The following DNASE1 variants were observed in gnomAD, a reference collection of about 807,000 sequenced individuals.
DNASE1 encodes deoxyribonuclease-1.
DNASE1 carries 40 observed loss-of-function variants against 33.9 expected under a neutral mutation model. The observed-to-expected ratio is 1.18, with a 90% CI of 0.92 to 1.54. DNASE1 has a LOEUF of 1.54. Ranked by LOEUF, DNASE1 falls within the 40% of genes most tolerant of loss-of-function variation. DNASE1 has a pLI of 0.00. For synonymous variants in DNASE1, 216 were observed against 160.0 expected (o/e 1.35, Z -2.64); for missense variants, 518 against 372.6 (o/e 1.39, Z -3.21).
At chr16:3,627,955 A>C (rs1398294624) in intron 1 of DNASE1, among the ~76,000 whole-genome samples, 1 of 151,802 alleles carries the variant, frequency 6.6e-6, no homozygotes, top group Non-Finnish European at 1.5e-5. Context: ...AAAAAAAAAA[A>C]AAAAAAGTCA....
chr16:3,658,028 A>C lies in DNASE1; in HGVS notation c.*75A>C, dbSNP rs572865598. ...GCCACAGGACCCAGAAAAAAAGCCC[A>C]ACACACACTCGGGTTAAGAAATACC... On this transcript the variant is annotated 3_prime_UTR_variant, in exon 9 of 9. Coordinates refer to ENST00000246949, the MANE Select transcript of DNASE1 (RefSeq NM_005223.4). 10 of 1,610,472 alleles carry C rather than the reference A, an allele frequency of 6.2e-6. No individual in the cohort carries two copies. The highest frequency in any genetic ancestry group is 2.2e-5 in the East Asian group (1 of 44,802).
exon 10 of DNASE1, chr16:3,664,464 A>T: frequency 6.2e-7 from 1 of 1,607,446 alleles, no homozygotes; most frequent in Admixed American, 1.7e-5. Context: ...GTCCTCCTAG[A>T]AGGGACGGGG....
chr16:3,632,784 C>G (rs1307695815), intron 1 of DNASE1, among the ~76,000 whole-genome samples: 1 of 152,042 alleles, frequency 6.6e-6, no homozygotes. Context: ...CGGGGTTTTA[C>G]CATGTTGTCC....
At chr16:3,639,300 G>A (rs757262563), upstream of DNASE1, among the ~76,000 whole-genome samples, 16 of 152,178 alleles carry the variant, frequency 1.1e-4, no homozygotes, top group Non-Finnish European at 1.9e-4. Flanking sequence ...GACATGAGCT[G>A]GTATGTGGGA....
At chr16:3,662,859 G>A, downstream of DNASE1, 4 of 1,611,988 alleles carry the variant, frequency 2.5e-6, no homozygotes, top group Non-Finnish European at 3.4e-6. Flanking sequence ...CCAAGTGGTG[G>A]TCCATCCCCG....
intron 1 of DNASE1, among the ~76,000 whole-genome samples, chr16:3,612,385 G>C (rs1409978635): frequency 6.6e-6 from 1 of 151,780 alleles, no homozygotes; most frequent in Non-Finnish European, 1.5e-5. Flanking sequence ...CAAGTAGCTG[G>C]GATTACAGGC....
chr16:3,664,433 G>C, exon 10 of DNASE1: 4 of 1,612,074 alleles, frequency 2.5e-6, no homozygotes, highest in Non-Finnish European at 8.5e-7. Context: ...CCGAGGACTC[G>C]TAGCGCAGCA....
At chr16:3,616,627 ATAAAT>A (rs1487741797) in intron 1 of DNASE1, among the ~76,000 whole-genome samples, 6 of 152,200 alleles carry the variant, frequency 3.9e-5, no homozygotes, top group Admixed American at 1.3e-4. Context: ...TCTCAAATAA[ATAAAT>A]TAAATAAATA....
intron 1 of DNASE1, among the ~76,000 whole-genome samples, chr16:3,633,502 G>C (rs1254239633): frequency 6.6e-6 from 1 of 151,970 alleles, no homozygotes; most frequent in Non-Finnish European, 1.5e-5. Flanking sequence ...CAGCTACTCG[G>C]GAGGCTGAGG....
intron 2 of DNASE1, 23 bp from the exon 3 acceptor site, chr16:3,655,826 C>T (rs774373435): frequency 5.0e-6 from 8 of 1,612,412 alleles, no homozygotes; most frequent in East Asian, 4.5e-5. Context: ...CCCTGCTCAG[C>T]ACCACTGTGG....
chr16:3,657,668 C>G, intron 7 of DNASE1, 52 bp from the exon 8 acceptor site: 1 of 1,608,268 alleles, frequency 6.2e-7, no homozygotes, highest in Non-Finnish European at 8.5e-7. Context: ...GGGTGCTGAG[C>G]CAGGCCCATG....
intron 1 of DNASE1, among the ~76,000 whole-genome samples, chr16:3,625,871 A>G (rs1272608566): frequency 6.6e-6 from 1 of 152,228 alleles, no homozygotes; most frequent in Admixed American, 6.5e-5. Flanking sequence ...AGGCCGAGGC[A>G]GAAGGATCGC....
intron 1 of DNASE1, among the ~76,000 whole-genome samples, chr16:3,645,496 G>T (rs564511131): frequency 1.3e-5 from 2 of 152,332 alleles, no homozygotes; most frequent in Non-Finnish European, 2.9e-5. Flanking sequence ...TGAGAAAGTG[G>T]CTTTTTAGAC....
At chr16:3,663,213 G>A (rs1381662417) in exon 10 of DNASE1, 4 of 704,280 alleles carry the variant, frequency 5.7e-6, no homozygotes, top group Non-Finnish European at 9.2e-6. Context: ...AGCTCCAGAA[G>A]CCACCGTGGC....
chr16:3,613,279 T>G (rs2040974762), intron 1 of DNASE1, among the ~76,000 whole-genome samples: 1 of 152,234 alleles, frequency 6.6e-6, no homozygotes, highest in South Asian at 2.1e-4. Flanking sequence ...TTTCAAGATT[T>G]CATCCATGTA....
In DNASE1 at chr16:3,656,737, C is replaced by T. The variant is rs765352781; in HGVS notation, c.420C>T (p.Phe140=). Reference sequence around the variant, plus strand: ...ACCGAGAGCCAGCCATTGTCAGGTTCTTCTCCCGGTTCACAGGTGGGTGCT... The same window carrying T: ...ACCGAGAGCCAGCCATTGTCAGGTTTTTCTCCCGGTTCACAGGTGGGTGCT... ...TFNREPAIVR[F]FSRFTEVREF... The change falls in exon 5 of 9, where the codon TTC becomes TTT. Residue 140 remains phenylalanine, a synonymous_variant. Transcript: ENST00000246949. 1.9e-6 allele frequency: 3 copies of T among 1,610,176 alleles called. No individual in the cohort carries two copies. The highest frequency in any genetic ancestry group is 4.5e-5 in the East Asian group (2 of 44,544).
exon 10 of DNASE1, chr16:3,664,200 G>C: frequency 2.1e-6 from 3 of 1,430,416 alleles, no homozygotes; most frequent in Non-Finnish European, 2.8e-6. Context: ...GGTTCACCCA[G>C]CACAGAGCTG....
At chr16:3,624,981 C>T (rs892903706) in intron 1 of DNASE1, among the ~76,000 whole-genome samples, 4 of 152,110 alleles carry the variant, frequency 2.6e-5, no homozygotes, top group Non-Finnish European at 5.9e-5. Flanking sequence ...CAGGTGTGAG[C>T]CATCATGCCC....
chr16:3,644,497 A>C (rs1233586931), intron 1 of DNASE1, among the ~76,000 whole-genome samples: 6 of 152,312 alleles, frequency 3.9e-5, no homozygotes, highest in South Asian at 2.1e-4. Flanking sequence ...TGGGAGGCAG[A>C]GGTTGCAGTG....
Sources: gnomAD v4.1 joint callset for allele counts (sites outside exome capture counted in the v4.1 genomes callset) on GRCh38, gnomAD v4.1.1 for gene constraint, MANE v1.5 for transcripts, NCBI Gene and HGNC (gene_info 2026-07-23, HGNC 2026-07-21) for gene names.